The following ARHGAP21 variants were observed in gnomAD, a reference collection of about 807,000 sequenced individuals.
ARHGAP21 encodes rho GTPase-activating protein 21.
Under a neutral mutation model 164.6 loss-of-function variants are expected in ARHGAP21, and 38 were observed. That is an observed-to-expected ratio of 0.23 (90% CI 0.18 to 0.30). ARHGAP21 has a LOEUF of 0.30. Among genes scored for constraint, ARHGAP21 ranks in the 10% least tolerant of loss-of-function variants. The pLI, the probability that ARHGAP21 is intolerant of heterozygous loss-of-function variation, is 1.00. For synonymous variants in ARHGAP21, 766 were observed against 857.9 expected (o/e 0.89, Z 1.87); for missense variants, 1,822 against 2,370.7 (o/e 0.77, Z 4.81).
intron 25 of ARHGAP21, among the ~76,000 whole-genome samples, chr10:24,586,388 C>A (rs1405523095): frequency 6.6e-6 from 1 of 152,142 alleles, no homozygotes; most frequent in Non-Finnish European, 1.5e-5. Context: ...AGTGCTGATT[C>A]CTATCAAAAT....
chr10:24,652,942 T>C (rs1838344658), intron 4 of ARHGAP21, among the ~76,000 whole-genome samples: 1 of 152,156 alleles, frequency 6.6e-6, no homozygotes, highest in Non-Finnish European at 1.5e-5. Context: ...TACAAATGTG[T>C]ACAAAAGTAC....
chr10:24,596,781 C>G lies in ARHGAP21; in HGVS notation c.3436G>C (p.Gly1146Arg). 1 of 1,612,766 alleles carries G rather than the reference C, an allele frequency of 6.2e-7. No individual in the cohort carries two copies. Among genetic ancestry groups the G allele is most frequent in the Non-Finnish European group, 8.5e-7 (1 of 1,179,634 alleles). The change falls in exon 17 of 26, where the codon GGC becomes CGC. Residue 1146 changes from glycine (G) to arginine (R), a missense_variant. Around this residue, in one of 5 missense-constraint regions of ARHGAP21, gnomAD observed 1,090 missense variants for 1,378.9 expected, o/e 0.79. Coordinates refer to ENST00000396432, the MANE Select transcript of ARHGAP21 (RefSeq NM_020824.4). ...GGTGGGCAGTCATCTAGTCGGACGCCGAAAGTTCCTGTAGCAGTTGGCTTT... is the reference window on the plus strand; with the variant it reads ...GGTGGGCAGTCATCTAGTCGGACGCGGAAAGTTCCTGTAGCAGTTGGCTTT... ...EKKPTATGTF[G>R]VRLDDCPPAH...
At chr10:24,647,499 C>T (rs1837689515) in intron 4 of ARHGAP21, among the ~76,000 whole-genome samples, 1 of 152,170 alleles carries the variant, frequency 6.6e-6, no homozygotes, top group Admixed American at 6.5e-5. Context: ...AGTAGGAGGG[C>T]AGTCAGAAAT....
intron 2 of ARHGAP21, among the ~76,000 whole-genome samples, chr10:24,697,816 C>T (rs1843305088): frequency 6.6e-6 from 1 of 151,828 alleles, no homozygotes; most frequent in African/African-American, 2.4e-5. Flanking sequence ...GCGCAGATCG[C>T]ACCACTGCAC....
intron 2 of ARHGAP21, among the ~76,000 whole-genome samples, chr10:24,679,478 T>A (rs919084720): frequency 1.3e-5 from 2 of 152,228 alleles, no homozygotes; most frequent in South Asian, 2.1e-4. Context: ...ATATAAATTT[T>A]TGGAGGACAT....
Position 24,584,820 on chromosome 10 carries a change from C to T in ARHGAP21, c.5469G>A (p.Glu1823=). 1 of 1,613,978 alleles carries T rather than the reference C, an allele frequency of 6.2e-7. No homozygotes were observed. The highest frequency in any genetic ancestry group is 8.5e-7 in the Non-Finnish European group (1 of 1,179,870). Residue 1823 remains glutamate, a synonymous_variant, in exon 26 of 26, where the codon GAG becomes GAA. Coordinates refer to ENST00000396432, the MANE Select transcript of ARHGAP21 (RefSeq NM_020824.4). ...GTTCAGATTCTCTCTCCCCGCTCTG[C>T]TCATGCACTTTCCAAAAATTCAAAA... ...ISVLNFWKVH[E]QSGERESELS...
chr10:24,624,058 A>C (rs1439237813), intron 7 of ARHGAP21, among the ~76,000 whole-genome samples: 6 of 152,148 alleles, frequency 3.9e-5, no homozygotes, highest in African/African-American at 1.4e-4. Flanking sequence ...AATAGTCTAC[A>C]TTACAGTCAC....
At chr10:24,654,168 T>A (rs1216094599) in intron 4 of ARHGAP21, among the ~76,000 whole-genome samples, 1 of 152,158 alleles carries the variant, frequency 6.6e-6, no homozygotes, top group Non-Finnish European at 1.5e-5. Flanking sequence ...ACAGCCAATA[T>A]CATACTGAAT....
intron 24 of ARHGAP21, 146 bp from the exon 25 acceptor site, chr10:24,589,448 C>G (rs1368155552): frequency 3.2e-6 from 2 of 625,310 alleles, no homozygotes; most frequent in Non-Finnish European, 5.3e-6. Context: ...AGTCAGAGCT[C>G]ACAAAGATGC....
At chr10:24,721,564 G>C (rs751011355) in intron 2 of ARHGAP21, among the ~76,000 whole-genome samples, 2 of 152,222 alleles carry the variant, frequency 1.3e-5, no homozygotes, top group Non-Finnish European at 2.9e-5. Flanking sequence ...CAGCCACAGA[G>C]ACGGGAGAAT....
At position 24,591,966 on chromosome 10, in the gene ARHGAP21, C is replaced by T. The variant is rs1456876525; in HGVS notation, c.3923G>A (p.Arg1308Gln). ...LAIVFGPTLVRTSEDNMTHMV... is the reference protein window; with the variant it reads ...LAIVFGPTLVQTSEDNMTHMV... Reference sequence around the variant, plus strand: ...GTGGGTCATGTTGTCTTCTGATGTTCGAACAAGGGTGGGACCAAACACTAT... The same window carrying T: ...GTGGGTCATGTTGTCTTCTGATGTTTGAACAAGGGTGGGACCAAACACTAT... The change falls in exon 22 of 26, where the codon CGA (arginine) becomes CAA (glutamine). Residue 1308 changes from arginine to glutamine, a missense_variant. Physicochemically the swap from Arg to Gln is conservative, Grantham distance 43. Around this residue, in one of 5 missense-constraint regions of ARHGAP21, gnomAD observed 117 missense variants for 238.1 expected, o/e 0.49. Coordinates refer to ENST00000396432, the MANE Select transcript of ARHGAP21 (RefSeq NM_020824.4). 6.2e-7 allele frequency: 1 copy of T among 1,613,478 alleles called. No homozygotes were observed. The highest frequency in any genetic ancestry group is 8.5e-7 in the Non-Finnish European group (1 of 1,179,744).
At chr10:24,648,020 G>A (rs1340847857) in intron 4 of ARHGAP21, among the ~76,000 whole-genome samples, 1 of 152,074 alleles carries the variant, frequency 6.6e-6, no homozygotes, top group African/African-American at 2.4e-5. Context: ...TCTATTTTTA[G>A]TAGAGACGAG....
chr10:24,595,048 G>A lies in ARHGAP21; in HGVS notation c.3787-9C>T, dbSNP rs765846457. On this transcript the variant is annotated splice_polypyrimidine_tract_variant and intron_variant, in intron 20 of 25. Transcript: ENST00000396432. ...TCAGGCAAATCGTGAATCTGAAACA[G>A]ATTATTTTCACAATGGATTCAGAGG... 2.5e-6 allele frequency: 4 copies of A among 1,610,262 alleles called. No individual in the cohort carries two copies. The highest frequency in any genetic ancestry group is 1.3e-5 in the African/African-American group (1 of 74,872).
chr10:24,718,324 G>C (rs930709433), intron 2 of ARHGAP21, among the ~76,000 whole-genome samples: 1 of 152,136 alleles, frequency 6.6e-6, no homozygotes, highest in Non-Finnish European at 1.5e-5. Context: ...AAAAGTGTTC[G>C]GTAAATAGGC....
intron 4 of ARHGAP21, among the ~76,000 whole-genome samples, chr10:24,656,427 TG>T (rs1838944980): frequency 1.5e-5 from 1 of 65,268 alleles, no homozygotes; most frequent in Non-Finnish European, 3.1e-5. Context: ...CCGCCCCGTC[TG>T]GGAGGTGAGG....
chr10:24,603,612 A>C (rs1264117327), intron 12 of ARHGAP21, among the ~76,000 whole-genome samples: 1 of 152,148 alleles, frequency 6.6e-6, no homozygotes, highest in Admixed American at 6.5e-5. Context: ...AGAGAATCCG[A>C]AGAAGTGTGG....
At chr10:24,614,166 T>A (rs1460664764) in intron 9 of ARHGAP21, among the ~76,000 whole-genome samples, 1 of 152,202 alleles carries the variant, frequency 6.6e-6, no homozygotes, top group African/African-American at 2.4e-5. Flanking sequence ...GAAATGTGGA[T>A]GACTGAGTAG....
chr10:24,595,708 T>C lies in ARHGAP21; in HGVS notation c.3712+9A>G. The C allele has an allele frequency of 6.2e-7, 1 of 1,607,766 alleles. No individual in the cohort carries two copies. Among genetic ancestry groups the C allele is most frequent in the Non-Finnish European group, 8.5e-7 (1 of 1,175,492 alleles). ...TTTCATCTGGTATCTTTCACGGGAG[T>C]TAACTCACCATTTGTGAAGAGAGGC... On this transcript the variant is annotated intron_variant, in intron 19 of 25. Transcript: ENST00000396432.
At position 24,619,977 on chromosome 10, in the gene ARHGAP21, G is replaced by A; in HGVS notation, c.1918C>T (p.Gln640Ter). The change falls in exon 9 of 26, where the codon CAG (glutamine) becomes TAG (stop). Residue 640 changes from glutamine to a stop codon, truncating the protein, a stop_gained. Transcript: ENST00000396432. LOFTEE classifies it high-confidence loss of function. Reference sequence around the variant, plus strand: ...TCTTTGATAGAAACAAATGATTTCTGGCTAAATGATGGTTTTGTGACATGC... The same window carrying A: ...TCTTTGATAGAAACAAATGATTTCTAGCTAAATGATGGTTTTGTGACATGC... ...STHVTKPSFS[Q>*]KSFVSIKDQR... 1 of 1,613,972 alleles carries A rather than the reference G, an allele frequency of 6.2e-7. No homozygotes were observed.
Sources: gnomAD v4.1 joint callset for allele counts (sites outside exome capture counted in the v4.1 genomes callset) on GRCh38, gnomAD v4.1.1 for gene constraint, gnomAD v4.1.1 regional missense constraint, MANE v1.5 for transcripts, NCBI Gene and HGNC (gene_info 2026-07-23, HGNC 2026-07-21) for gene names.